TLK1: variants seen among roughly 807,000 people sequenced by gnomAD.
The protein encoded by TLK1 is serine/threonine-protein kinase tousled-like 1.
In TLK1, 24 loss-of-function variants were observed where a neutral mutation model predicts 105.3. The observed-to-expected ratio is 0.23, with a 90% CI of 0.17 to 0.32. The LOEUF is 0.32. TLK1 is among the 10% of genes least tolerant of loss of function. The probability of loss-of-function intolerance (pLI) is 1.00; values close to 1 mark genes in which losing one functional copy is unlikely to be tolerated. For missense variants in TLK1, 558 were observed against 910.5 expected, an observed-to-expected ratio of 0.61 and a Z score of 4.98; for synonymous variants, 321 against 310.4, an observed-to-expected ratio of 1.03 and a Z score of -0.36.
At chr2:171,091,359 A>T (rs887541436) in intron 2 of TLK1, among the ~76,000 whole-genome samples, 2 of 152,194 alleles carry the variant, frequency 1.3e-5, no homozygotes, top group Admixed American at 1.3e-4. Context: ...TCTAGTATAA[A>T]CATTCCTTGC....
At chr2:171,143,559 A>C (rs1278877896) in intron 1 of TLK1, among the ~76,000 whole-genome samples, 2 of 132,686 alleles carry the variant, frequency 1.5e-5, no homozygotes, top group South Asian at 2.7e-4. Context: ...AAAAAAAAAA[A>C]GGTGGGGGAG....
At chr2:171,191,214 T>C (rs75768643) in intron 1 of TLK1, among the ~76,000 whole-genome samples, 13,400 of 151,964 alleles carry the variant, frequency 0.088, 1,209 homozygotes, top group East Asian at 0.3. Flanking sequence ...TAACTCCAAA[T>C]TGGGTAACTT....
chr2:171,066,764 C>A, intron 3 of TLK1: 1 of 1,421,218 alleles, frequency 7.0e-7, no homozygotes, highest in South Asian at 1.3e-5. Context: ...TCTGGCTATC[C>A]CTTTAAGGCT....
At chr2:171,007,973 G>C (rs1253577804) in intron 14 of TLK1, among the ~76,000 whole-genome samples, 2 of 152,024 alleles carry the variant, frequency 1.3e-5, no homozygotes, top group African/African-American at 4.8e-5. Context: ...TACCATTAAA[G>C]AGACATTTAA....
chr2:171,068,998 G>C (rs1575571041), intron 3 of TLK1, among the ~76,000 whole-genome samples: 1 of 152,146 alleles, frequency 6.6e-6, no homozygotes. Context: ...ATGTCAACTT[G>C]TGCTCAATGC....
rs1195658903 is a variant in TLK1 at position 171,020,540 on chromosome 2, AAAAAAAAG to A, written c.1237-5600_1237-5593del. ...TGGTGACACAGCGAGACTGTCTAAA[AAAAAAAAG>A]AAAAAAAGAAAAAAAAAGCTAATTA... is the stretch of plus-strand genomic sequence containing the variant. On this transcript the variant is annotated intron_variant, in intron 12 of 20. Coordinates refer to ENST00000431350, the MANE Select transcript of TLK1 (RefSeq NM_012290.5). Among the ~76,000 whole-genome samples, 29 of 152,126 alleles carry A rather than the reference AAAAAAAAG, an allele frequency of 1.9e-4. No individual in the cohort carries two copies. The East Asian group carries it at 5.2e-3, about 27-fold the overall frequency.
chr2:171,171,156 G>A (rs1362256562), intron 1 of TLK1, among the ~76,000 whole-genome samples: 1 of 152,114 alleles, frequency 6.6e-6, no homozygotes, highest in East Asian at 1.9e-4. Flanking sequence ...TTTTTGATAG[G>A]TTAAACAATA....
intron 1 of TLK1, among the ~76,000 whole-genome samples, chr2:171,187,582 G>A (rs953093044): frequency 5.3e-5 from 8 of 152,150 alleles, no homozygotes; most frequent in Non-Finnish European, 1.0e-4. Context: ...TAAGAAGGGG[G>A]CACAAAATCA....
chr2:171,136,606 A>G (rs1446960190), intron 1 of TLK1, among the ~76,000 whole-genome samples: 1 of 152,164 alleles, frequency 6.6e-6, no homozygotes, highest in Admixed American at 6.5e-5. Flanking sequence ...AAGATGGTAC[A>G]TTTTATGTCG....
chr2:171,075,419 G>T (rs1688455929), intron 3 of TLK1, among the ~76,000 whole-genome samples: 1 of 152,096 alleles, frequency 6.6e-6, no homozygotes, highest in African/African-American at 2.4e-5. Context: ...AAAAATGGTG[G>T]AAAACTACTT....
intron 1 of TLK1, among the ~76,000 whole-genome samples, chr2:171,223,540 C>A (rs189086663): frequency 9.3e-5 from 13 of 139,376 alleles, no homozygotes; most frequent in Admixed American, 3.9e-4. Context: ...AGTGCAGTGG[C>A]AAGATCTCAG....
chr2:171,204,650 C>T (rs972421436), intron 1 of TLK1, among the ~76,000 whole-genome samples: 6 of 151,858 alleles, frequency 4.0e-5, no homozygotes, highest in Non-Finnish European at 7.4e-5. Flanking sequence ...GAAAAATCTA[C>T]GTATTTTATA....
At chr2:170,999,830 C>T (rs1337965110) in intron 18 of TLK1, among the ~76,000 whole-genome samples, 5 of 152,092 alleles carry the variant, frequency 3.3e-5, no homozygotes, top group African/African-American at 1.2e-4. Flanking sequence ...GCGATCACGG[C>T]TCACTGCAGC....
At chr2:171,029,776 C>T (rs1685951288) in intron 11 of TLK1, among the ~76,000 whole-genome samples, 3 of 152,262 alleles carry the variant, frequency 2.0e-5, no homozygotes, top group South Asian at 2.1e-4. Flanking sequence ...ATTAGGGTCT[C>T]GCTCTGTTGC....
chr2:171,086,263 A>C (rs1328151725), intron 2 of TLK1, among the ~76,000 whole-genome samples: 1 of 152,222 alleles, frequency 6.6e-6, no homozygotes, highest in Non-Finnish European at 1.5e-5. Flanking sequence ...TCCTGGAAAA[A>C]AAGGATTTAA....
intron 1 of TLK1, among the ~76,000 whole-genome samples, chr2:171,126,558 C>T (rs538862750): frequency 6.2e-4 from 95 of 152,094 alleles, no homozygotes; most frequent in African/African-American, 2.2e-3. Context: ...CTTAATCTTC[C>T]TTGACGACAG....
chr2:171,000,562 A>G (rs1188851109), intron 18 of TLK1, among the ~76,000 whole-genome samples: 1 of 152,106 alleles, frequency 6.6e-6, no homozygotes, highest in Admixed American at 6.6e-5. Flanking sequence ...ATCACTATTC[A>G]TTAAGTGAAA....
At chr2:171,155,905 T>C (rs1692214064) in intron 1 of TLK1, 2 of 152,188 alleles carry the variant, frequency 1.3e-5, no homozygotes, top group South Asian at 2.1e-4. Flanking sequence ...CTCCTATTTA[T>C]TAAAATTAAC....
chr2:171,117,858 C>A lies in TLK1; in HGVS notation c.140-1G>T. On this transcript the variant is annotated splice_acceptor_variant, in intron 1 of 20. Transcript: ENST00000431350. LOFTEE classifies it high-confidence loss of function. ...AGACTATGAAGCTCATCCATTGCAC[C>A]TATTAAGAAAAAAAAATATATATGT... The A allele has an allele frequency of 1.3e-6, 2 of 1,596,452 alleles. No individual in the cohort carries two copies. Among genetic ancestry groups the A allele is most frequent in the Admixed American group, 1.8e-5 (1 of 56,034 alleles).
Sources: gnomAD v4.1 joint callset for allele counts (sites outside exome capture counted in the v4.1 genomes callset) on GRCh38, gnomAD v4.1.1 for gene constraint, MANE v1.5 for transcripts, NCBI Gene and HGNC (gene_info 2026-07-23, HGNC 2026-07-21) for gene names.